MPDZ: variants seen among roughly 807,000 people sequenced by gnomAD.
MPDZ encodes the protein multiple PDZ domain protein.
Under a neutral mutation model 239.1 loss-of-function variants are expected in MPDZ, and 234 were observed. That is an observed-to-expected ratio of 0.98 (90% CI 0.88 to 1.09). The LOEUF (loss-of-function observed/expected upper bound fraction) is 1.09. Among genes scored for constraint, MPDZ ranks in the 50% least tolerant of loss-of-function variants. The pLI is 0.00. For synonymous variants in MPDZ, 1,048 were observed against 881.3 expected, an observed-to-expected ratio of 1.19 and a Z score of -3.35; for missense variants, 3,175 against 2,510.0, an observed-to-expected ratio of 1.26 and a Z score of -5.66.
At chr9:13,192,360 A>G in intron 14 of MPDZ, 65 bp from the exon 15 acceptor site, 1 of 1,380,508 alleles carries the variant, frequency 7.2e-7, no homozygotes, top group Non-Finnish European at 9.9e-7. Flanking sequence ...TTTGAACACA[A>G]TTTTTTTATT....
At chr9:13,240,493 T>C (rs1965115903) in intron 3 of MPDZ, among the ~76,000 whole-genome samples, 1 of 149,314 alleles carries the variant, frequency 6.7e-6, no homozygotes, top group Non-Finnish European at 1.5e-5. Flanking sequence ...GCATTTCTCT[T>C]CAGGGATGCT....
chr9:13,162,541 A>C (rs913647052), intron 23 of MPDZ, 150 bp downstream of exon 23: 5 of 392,852 alleles, frequency 1.3e-5, no homozygotes, highest in African/African-American at 1.0e-4. Context: ...TACTTATATA[A>C]TTGAGGGAAA....
intron 2 of MPDZ, among the ~76,000 whole-genome samples, chr9:13,249,683 G>C (rs1490459770): frequency 1.3e-5 from 2 of 152,150 alleles, no homozygotes; most frequent in African/African-American, 4.8e-5. Context: ...TAGAATGTCA[G>C]ATAATTGCAT....
intron 17 of MPDZ, among the ~76,000 whole-genome samples, chr9:13,188,286 G>A (rs1563988010): frequency 2.0e-5 from 3 of 152,130 alleles, no homozygotes; most frequent in Admixed American, 1.3e-4. Context: ...GGGAGGCTGA[G>A]GTAGGGGGAT....
chr9:13,145,801 G>A (rs558381675), intron 26 of MPDZ, among the ~76,000 whole-genome samples: 2 of 152,060 alleles, frequency 1.3e-5, no homozygotes, highest in South Asian at 4.1e-4. Flanking sequence ...CGGCTCATTG[G>A]AAAATGTGCC....
At chr9:13,229,056 G>A (rs1425705648) in intron 3 of MPDZ, among the ~76,000 whole-genome samples, 1 of 152,084 alleles carries the variant, frequency 6.6e-6, no homozygotes, top group Non-Finnish European at 1.5e-5. Flanking sequence ...GGTGTGCTAG[G>A]AGAGCTGTTT....
Position 13,222,442 on chromosome 9 carries a change from C to G in MPDZ, c.538G>C (p.Gly180Arg). 1 of 1,610,870 alleles carries G rather than the reference C, an allele frequency of 6.2e-7. No individual in the cohort carries two copies. The highest frequency in any genetic ancestry group is 8.5e-7 in the Non-Finnish European group (1 of 1,178,248). ...IQEGSVAHRD[G>R]RLKETDQILA... ...ATTTGATCAGTTTCTTTCAATCTTC[C>G]ATCTCTATCAAGGATGCAAAAGGGG... The change falls in exon 6 of 47, where the codon GGA becomes CGA. Residue 180 changes from glycine (G) to arginine (R), a missense_variant. Transcript: ENST00000319217.
At chr9:13,226,639 C>T (rs915570128) in intron 3 of MPDZ, among the ~76,000 whole-genome samples, 1 of 152,132 alleles carries the variant, frequency 6.6e-6, no homozygotes, top group Non-Finnish European at 1.5e-5. Context: ...CACCATTATA[C>T]TCCACGAACT....
At chr9:13,203,274 G>A (rs1443740506) in intron 12 of MPDZ, among the ~76,000 whole-genome samples, 1 of 152,148 alleles carries the variant, frequency 6.6e-6, no homozygotes, top group East Asian at 1.9e-4. Context: ...AAACAGGAGG[G>A]TCAGTTCAGA....
chr9:13,119,712 T>TA (rs1247383225), intron 38 of MPDZ, 63 bp from the exon 39 acceptor site: 16 of 1,601,018 alleles, frequency 1.0e-5, no homozygotes, highest in Non-Finnish European at 1.4e-5. Context: ...GCTTATTTAA[T>TA]AAAAAGTTAC....
At chr9:13,163,795 T>C (rs73406267) in intron 22 of MPDZ, among the ~76,000 whole-genome samples, 3,263 of 152,254 alleles carry the variant, frequency 0.021, 110 homozygotes, top group South Asian at 0.086. Flanking sequence ...GATAAAAAGA[T>C]TGTCTTTTAT....
intron 10 of MPDZ, among the ~76,000 whole-genome samples, chr9:13,215,305 A>G (rs1004891175): frequency 1.1e-4 from 16 of 151,692 alleles, no homozygotes; most frequent in African/African-American, 3.9e-4. Flanking sequence ...TTCTCTTTAA[A>G]GACTGAATAA....
chr9:13,236,247 GTGTATA>G (rs1471142619), intron 3 of MPDZ, among the ~76,000 whole-genome samples: 2 of 17,114 alleles, frequency 1.2e-4, no homozygotes, highest in African/African-American at 1.6e-4. Flanking sequence ...GTGTGTGTGT[GTGTATA>G]TATATATATA....
intron 38 of MPDZ, chr9:13,120,297 T>G (rs1188671798): frequency 1.3e-5 from 2 of 151,890 alleles, no homozygotes; most frequent in Non-Finnish European, 2.9e-5. Context: ...TAACCATAAA[T>G]AGAAATATAT....
intron 37 of MPDZ, 47 bp from the exon 38 acceptor site, chr9:13,121,979 G>C (rs1285254025): frequency 6.2e-6 from 10 of 1,600,566 alleles, no homozygotes; most frequent in African/African-American, 1.3e-5. Context: ...AGAAGTAAAG[G>C]AGAGTTAGGT....
chr9:13,200,082 T>G (rs962478537), intron 12 of MPDZ, among the ~76,000 whole-genome samples: 6 of 151,954 alleles, frequency 3.9e-5, no homozygotes, highest in African/African-American at 1.4e-4. Flanking sequence ...AGTCCTGGGA[T>G]TTTCTTTAAT....
intron 25 of MPDZ, among the ~76,000 whole-genome samples, chr9:13,149,540 C>T (rs995662399): frequency 1.3e-5 from 2 of 151,996 alleles, no homozygotes; most frequent in African/African-American, 4.8e-5. Flanking sequence ...TAAAATTATG[C>T]TTATCCCAAT....
intron 26 of MPDZ, among the ~76,000 whole-genome samples, chr9:13,145,593 G>C (rs1187235148): frequency 6.6e-6 from 1 of 151,998 alleles, no homozygotes; most frequent in African/African-American, 2.4e-5. Flanking sequence ...CCATAAGGAA[G>C]TAAATCATTG....
chr9:13,231,306 C>T (rs904987208), intron 3 of MPDZ, among the ~76,000 whole-genome samples: 2 of 152,090 alleles, frequency 1.3e-5, no homozygotes, highest in African/African-American at 4.8e-5. Context: ...TGGCTCACAC[C>T]TGTAATCCCA....
Sources: allele counts gnomAD v4.1 joint callset (sites outside exome capture counted in the v4.1 genomes callset), GRCh38; gene constraint gnomAD v4.1.1; transcripts MANE v1.5; gene names NCBI Gene and HGNC (gene_info 2026-07-23, HGNC 2026-07-21).